Variants in NXN observed in about 807,000 individuals in gnomAD.
NXN encodes nucleoredoxin 1.
In NXN, 16 loss-of-function variants were observed where a neutral mutation model predicts 48.6. That is an observed-to-expected ratio of 0.33 (90% confidence interval 0.22 to 0.50). NXN has a LOEUF of 0.50. NXN is among the 20% of genes least tolerant of loss of function. NXN has a pLI of 0.98. For synonymous variants in NXN, 281 were observed against 269.6 expected, an observed-to-expected ratio of 1.04 and a Z score of -0.41; for missense variants, 492 against 605.5, an observed-to-expected ratio of 0.81 and a Z score of 1.97.
chr17:882,312 C>T (rs1027289641), intron 1 of NXN, among the ~76,000 whole-genome samples: 1 of 152,064 alleles, frequency 6.6e-6, no homozygotes, highest in Non-Finnish European at 1.5e-5. Context: ...TACCCTCCAC[C>T]CAGTGTCCCC....
At chr17:812,706 T>G (rs1329978908) in intron 5 of NXN, among the ~76,000 whole-genome samples, 3 of 121,398 alleles carry the variant, frequency 2.5e-5, no homozygotes, top group African/African-American at 6.0e-5. Context: ...ATGTAGGTGT[T>G]TGCATGTGAG....
intron 5 of NXN, among the ~76,000 whole-genome samples, chr17:814,360 C>T (rs1313281910): frequency 6.6e-6 from 1 of 152,186 alleles, no homozygotes; most frequent in African/African-American, 2.4e-5. Flanking sequence ...ATACCGGCAA[C>T]CCACGGGCCC....
intron 1 of NXN, among the ~76,000 whole-genome samples, chr17:906,670 G>GCTCC (rs2068584292): frequency 6.6e-6 from 1 of 151,040 alleles, no homozygotes; most frequent in Non-Finnish European, 1.5e-5. Context: ...GGGTTCAAGT[G>GCTCC]ATTCTCCTGC....
At chr17:883,945 G>A (rs2068313545) in intron 1 of NXN, among the ~76,000 whole-genome samples, 1 of 152,188 alleles carries the variant, frequency 6.6e-6, no homozygotes, top group African/African-American at 2.4e-5. Flanking sequence ...TGGGCCGGGC[G>A]CGGTGGCTCA....
chr17:883,798 G>C (rs1371327843), intron 1 of NXN, among the ~76,000 whole-genome samples: 1 of 152,350 alleles, frequency 6.6e-6, no homozygotes, highest in South Asian at 2.1e-4. Flanking sequence ...GCAGGCCCAG[G>C]TGCGGTGCTT....
At chr17:965,237 C>T (rs762135163) in intron 1 of NXN, among the ~76,000 whole-genome samples, 22 of 152,158 alleles carry the variant, frequency 1.4e-4, no homozygotes, top group Non-Finnish European at 2.9e-4. Context: ...TCCGTGATTT[C>T]GTGACCAGCA....
intron 1 of NXN, among the ~76,000 whole-genome samples, chr17:898,246 C>T (rs1043965572): frequency 2.6e-5 from 4 of 152,112 alleles, no homozygotes; most frequent in Non-Finnish European, 4.4e-5. Flanking sequence ...TACCATCCCC[C>T]CAAGACTGGA....
chr17:853,923 T>C (rs746678492), intron 1 of NXN, among the ~76,000 whole-genome samples: 4 of 151,818 alleles, frequency 2.6e-5, no homozygotes, highest in African/African-American at 4.8e-5. Context: ...GGTTTCTCCA[T>C]GTTAGCCAGG....
chr17:880,406 C>A (rs966489617), intron 1 of NXN, among the ~76,000 whole-genome samples: 2 of 152,130 alleles, frequency 1.3e-5, no homozygotes, highest in Non-Finnish European at 2.9e-5. Context: ...TTAATAAGAA[C>A]TTCTTTGTGG....
intron 1 of NXN, among the ~76,000 whole-genome samples, chr17:902,948 T>C (rs2360113): frequency 1.3e-5 from 2 of 151,694 alleles, no homozygotes; most frequent in Non-Finnish European, 2.9e-5. Flanking sequence ...TTTTTATATT[T>C]TTAGTAGAGA....
Position 979,451 on chromosome 17 carries a change from C to A in NXN, c.228G>T (p.Ala76=). Residue 76 remains alanine, a synonymous_variant, in exon 1 of 8, where the codon GCG becomes GCT. Transcript: ENST00000336868. ...GCCGCCGCGGCTCGGGCTCCGCCGC[C>A]GCCCCGGCCCCCGCTCCCGGCCCCG... ...AGPGPGAGAG[A]AAEPEPRRRL... is the part of the protein sequence containing the mutation. 8.1e-7 allele frequency: 1 copy of A among 1,229,842 alleles called. No individual in the cohort carries two copies. The highest frequency in any genetic ancestry group is 1.0e-6 in the Non-Finnish European group (1 of 978,370). The allele number at this position is 1,229,842 out of a possible 1,614,324, so 76.2% of individuals were successfully genotyped here.
chr17:868,741 C>T (rs1445700689), intron 1 of NXN, among the ~76,000 whole-genome samples: 2 of 152,204 alleles, frequency 1.3e-5, no homozygotes, highest in Non-Finnish European at 2.9e-5. Flanking sequence ...ATCCGCCCGC[C>T]TCGGCCTCCC....
At chr17:924,383 G>A (rs1434148408) in intron 1 of NXN, among the ~76,000 whole-genome samples, 5 of 152,162 alleles carry the variant, frequency 3.3e-5, no homozygotes, top group African/African-American at 1.2e-4. Context: ...ATTGCAAGGC[G>A]TGAGCCACTA....
intron 1 of NXN, among the ~76,000 whole-genome samples, chr17:884,153 G>A (rs1024618979): frequency 3.9e-5 from 6 of 151,972 alleles, no homozygotes; most frequent in Non-Finnish European, 8.8e-5. Context: ...CCTGGGAGGC[G>A]GAGCTTGCAG....
rs544937103 is a variant in NXN at position 919,626 on chromosome 17, C to T, written c.360+59693G>A. On this transcript the variant is annotated intron_variant, in intron 1 of 7. Transcript: ENST00000336868. The surrounding 1 kb of genome is among the most constrained non-coding windows in gnomAD (Gnocchi z 5.1). ...CCTCGGAATCCCCGCATTCGTCCCA[C>T]GCGGCCCTCAGACACGGGCTCTGGT... 1.1e-4 allele frequency among the ~76,000 whole-genome samples: 17 copies of T among 152,212 alleles called. No individual in the cohort carries two copies. The highest frequency in any genetic ancestry group is 6.2e-4 in the South Asian group (3 of 4,808).
At chr17:858,840 AGAACAGATT>A (rs1156494997) in intron 1 of NXN, among the ~76,000 whole-genome samples, 1 of 152,194 alleles carries the variant, frequency 6.6e-6, no homozygotes, top group Non-Finnish European at 1.5e-5. Flanking sequence ...GAAACTTGTT[AGAACAGATT>A]GGAGTTCCTG....
rs186125556 is a variant in NXN, at chr17:943,192, C to T, written c.360+36127G>A. 3.9e-5 allele frequency among the ~76,000 whole-genome samples: 6 copies of T among 152,314 alleles called. No homozygotes were observed. The East Asian group carries it at 1.2e-3, about 29-fold the overall frequency. On this transcript the variant is annotated intron_variant, in intron 1 of 7. Coordinates refer to ENST00000336868, the MANE Select transcript of NXN (RefSeq NM_022463.5). Reference sequence around the variant, plus strand: ...TAGCCCCTGCGCAGGCATCATCATTCTCTCTCTCGACTAAAATGTTTGTGA... The same window carrying T: ...TAGCCCCTGCGCAGGCATCATCATTTTCTCTCTCGACTAAAATGTTTGTGA...
rs1038609639 is a variant in NXN at position 920,311 on chromosome 17, AT to A, written c.360+59007del. Reference sequence around the variant, plus strand: ...AATCTGGCAACGTCAACATCAAGTGATTGTTCAAATTCAGCCAAGGGGGCCG... The same window carrying A: ...AATCTGGCAACGTCAACATCAAGTGATGTTCAAATTCAGCCAAGGGGGCCG... On this transcript the variant is annotated intron_variant, in intron 1 of 7. Transcript: ENST00000336868. The surrounding 1 kb of genome is among the most constrained non-coding windows in gnomAD (Gnocchi z 4.6). Among the ~76,000 whole-genome samples, 2 of 152,038 alleles carry A rather than the reference AT, an allele frequency of 1.3e-5. No homozygotes were observed. Among genetic ancestry groups the A allele is most frequent in the Admixed American group, 1.3e-4 (2 of 15,262 alleles).
intron 1 of NXN, among the ~76,000 whole-genome samples, chr17:877,100 A>C (rs2068224787): frequency 6.6e-6 from 1 of 151,822 alleles, no homozygotes; most frequent in African/African-American, 2.4e-5. Context: ...AAAAAAACTA[A>C]TTCTTAATAT....
Sources: gnomAD v4.1 joint callset for allele counts (sites outside exome capture counted in the v4.1 genomes callset) on GRCh38, gnomAD v4.1.1 for gene constraint, Gnocchi (gnomAD v3.1) non-coding constraint, MANE v1.5 for transcripts, NCBI Gene and HGNC (gene_info 2026-07-23, HGNC 2026-07-21) for gene names.